TAOK3: variants seen among roughly 807,000 people sequenced by gnomAD.
The protein encoded by TAOK3 is TAO kinase 3.
In TAOK3, 40 loss-of-function variants were observed where a neutral mutation model predicts 120.4. The observed-to-expected ratio is 0.33, with a 90% CI of 0.26 to 0.43. The LOEUF is 0.43. TAOK3 is among the 20% of genes least tolerant of loss of function. The pLI is 1.00. For synonymous variants in TAOK3, 355 were observed against 387.5 expected, an observed-to-expected ratio of 0.92 and a Z score of 0.99; for missense variants, 821 against 1,112.1, an observed-to-expected ratio of 0.74 and a Z score of 3.72.
chr12:118,271,437 A>G (rs2041695710), intron 1 of TAOK3, among the ~76,000 whole-genome samples: 1 of 152,188 alleles, frequency 6.6e-6, no homozygotes, highest in Non-Finnish European at 1.5e-5. Context: ...GGAATCATAC[A>G]ATATGTGGTC....
chr12:118,157,014 A>G (rs540402239), intron 19 of TAOK3, among the ~76,000 whole-genome samples: 1 of 152,248 alleles, frequency 6.6e-6, no homozygotes, highest in South Asian at 2.1e-4. Context: ...TGCTAGGATT[A>G]CAGGCATGAG....
intron 1 of TAOK3, among the ~76,000 whole-genome samples, chr12:118,273,894 C>T (rs1389967234): frequency 6.6e-6 from 1 of 152,178 alleles, no homozygotes; most frequent in Non-Finnish European, 1.5e-5. Context: ...CTGAAACACG[C>T]TTCACAGTAA....
At chr12:118,235,492 C>CA in intron 8 of TAOK3, 66 bp downstream of exon 8, 2 of 1,295,394 alleles carry the variant, frequency 1.5e-6, no homozygotes, top group Non-Finnish European at 2.2e-6. Flanking sequence ...CAAGCCAAAC[C>CA]AGCACCATAG....
At chr12:118,173,565 CAA>C (rs2036138420) in intron 16 of TAOK3, among the ~76,000 whole-genome samples, 1 of 152,116 alleles carries the variant, frequency 6.6e-6, no homozygotes, top group Non-Finnish European at 1.5e-5. Flanking sequence ...AGACAGATTC[CAA>C]AGAGAAGAGG....
chr12:118,253,407 G>C (rs529434471), intron 3 of TAOK3, among the ~76,000 whole-genome samples: 9 of 152,216 alleles, frequency 5.9e-5, no homozygotes, highest in Admixed American at 5.9e-4. Context: ...TGCTTTAATG[G>C]ACTATTATGC....
rs886426504 is a variant in TAOK3, at chr12:118,319,125, T to C, written c.-193-52366A>G. Among the ~76,000 whole-genome samples the C allele has an allele frequency of 3.3e-5, 5 of 152,350 alleles. No homozygotes were observed. The South Asian group carries it at 8.3e-4, about 25-fold the overall frequency. The stretch of plus-strand genomic sequence containing the variant: ...AAGATACAAATTATCAGCTGAAATC[T>C]GGTGATGGATATGTTATCTAGCTTG... On this transcript the variant is annotated intron_variant, in intron 1 of 20. Coordinates refer to ENST00000392533, the MANE Select transcript of TAOK3 (RefSeq NM_016281.4).
At chr12:118,252,597 A>G (rs1337466067) in intron 3 of TAOK3, among the ~76,000 whole-genome samples, 3 of 152,314 alleles carry the variant, frequency 2.0e-5, no homozygotes, top group African/African-American at 7.2e-5. Flanking sequence ...TATACTTATA[A>G]TAAAAACGCT....
intron 3 of TAOK3, 144 bp downstream of exon 3, chr12:118,255,304 G>T (rs998655963): frequency 1.3e-5 from 9 of 679,740 alleles, no homozygotes; most frequent in Non-Finnish European, 2.1e-5. Flanking sequence ...GTAGAGACAG[G>T]GTCTTGCTAT....
At chr12:118,312,732 C>G (rs2043307178) in intron 1 of TAOK3, among the ~76,000 whole-genome samples, 1 of 152,172 alleles carries the variant, frequency 6.6e-6, no homozygotes, top group Non-Finnish European at 1.5e-5. Context: ...AGTATCACTT[C>G]TAGTACAATT....
chr12:118,359,905 T>G (rs938267234), intron 1 of TAOK3, among the ~76,000 whole-genome samples: 2 of 152,152 alleles, frequency 1.3e-5, no homozygotes, highest in Non-Finnish European at 2.9e-5. Context: ...GATGATTACC[T>G]AATTCAAAAA....
intron 1 of TAOK3, among the ~76,000 whole-genome samples, chr12:118,303,157 T>G (rs942154054): frequency 2.0e-5 from 3 of 152,214 alleles, no homozygotes; most frequent in African/African-American, 7.2e-5. Flanking sequence ...TTCCATAGAT[T>G]AATATGATTT....
Position 118,194,152 on chromosome 12 carries a change from G to A in TAOK3, c.1195-4211C>T, listed in dbSNP as rs77000059. Among the ~76,000 whole-genome samples, 1,307 of 152,200 alleles carry A rather than the reference G, an allele frequency of 8.6e-3. 12 individuals carry two copies. The highest frequency in any genetic ancestry group is 0.029 in the African/African-American group (1,201 of 41,514). ...AGCACACCTTTACACAGCGGGGTGCGGGGGGATGTATCTAAAAATGGCTCT... is the reference window on the plus strand; with the variant it reads ...AGCACACCTTTACACAGCGGGGTGCAGGGGGATGTATCTAAAAATGGCTCT... On this transcript the variant is annotated intron_variant, in intron 13 of 20. Coordinates refer to ENST00000392533, the MANE Select transcript of TAOK3 (RefSeq NM_016281.4).
At chr12:118,202,049 T>G (rs1019875645) in intron 11 of TAOK3, among the ~76,000 whole-genome samples, 3 of 151,816 alleles carry the variant, frequency 2.0e-5, no homozygotes, top group Non-Finnish European at 4.4e-5. Context: ...TGCTATTTTT[T>G]TGTGTGTCTG....
chr12:118,248,477 A>G (rs1151900), intron 3 of TAOK3, among the ~76,000 whole-genome samples: 105,541 of 151,876 alleles, frequency 0.69, 36,737 homozygotes, highest in South Asian at 0.72. Flanking sequence ...ATGTAAATTC[A>G]GTATTACAAT....
chr12:118,292,255 T>C (rs1357513286), intron 1 of TAOK3, among the ~76,000 whole-genome samples: 3 of 152,214 alleles, frequency 2.0e-5, no homozygotes, highest in Non-Finnish European at 4.4e-5. Flanking sequence ...CATTGATTTA[T>C]AGGGCTTCAT....
At chr12:118,354,365 TAC>T (rs2045307042) in intron 1 of TAOK3, among the ~76,000 whole-genome samples, 1 of 152,176 alleles carries the variant, frequency 6.6e-6, no homozygotes, top group Admixed American at 6.5e-5. Context: ...ACGTAGCATC[TAC>T]AGTGTGGATA....
At chr12:118,166,967 A>T (rs2035641660) in intron 17 of TAOK3, among the ~76,000 whole-genome samples, 1 of 152,034 alleles carries the variant, frequency 6.6e-6, no homozygotes, top group Non-Finnish European at 1.5e-5. Flanking sequence ...CTTCTAATGG[A>T]AGTAGTATTG....
At chr12:118,278,032 A>C (rs2041964494) in intron 1 of TAOK3, among the ~76,000 whole-genome samples, 1 of 152,086 alleles carries the variant, frequency 6.6e-6, no homozygotes, top group Admixed American at 6.6e-5. Flanking sequence ...TTTCACACAC[A>C]GTCAAGTTTG....
At position 118,244,527 on chromosome 12, in the gene TAOK3, C is replaced by CTTTTTTT. The variant is rs377072006; in HGVS notation, c.192+366_192+367insAAAAAAA. On this transcript the variant is annotated intron_variant, in intron 4 of 20. Coordinates refer to ENST00000392533, the MANE Select transcript of TAOK3 (RefSeq NM_016281.4). ...AAAGAATTTTGTTAATTTCTTTTTT[C>CTTTTTTT]TTTTTCTTTTTTTTTTTTTGAGACA... Among the ~76,000 whole-genome samples, 47 of 129,556 alleles carry CTTTTTTT rather than the reference C, an allele frequency of 3.6e-4. 4 individuals carry two copies. The highest frequency in any genetic ancestry group is 3.8e-3 in the Middle Eastern group (1 of 264). The allele number at this position is 129,556 out of a possible 152,430, so 85.0% of individuals were successfully genotyped here.
Sources: allele counts gnomAD v4.1 joint callset (sites outside exome capture counted in the v4.1 genomes callset), GRCh38; gene constraint gnomAD v4.1.1; transcripts MANE v1.5; gene names NCBI Gene and HGNC (gene_info 2026-07-23, HGNC 2026-07-21).